Variants in THNSL1 observed in about 807,000 individuals in gnomAD.
THNSL1 encodes threonine synthase like 1.
THNSL1 carries 48 observed loss-of-function variants against 50.4 expected under a neutral mutation model. That is an observed-to-expected ratio of 0.95 (90% confidence interval 0.76 to 1.21). The LOEUF (loss-of-function observed/expected upper bound fraction) is 1.21, where lower values mean the gene tolerates loss of function less well. Ranked by LOEUF, THNSL1 falls within the 50% of genes most tolerant of loss-of-function variation. THNSL1 has a pLI of 0.00. For synonymous variants in THNSL1, 309 were observed against 306.1 expected (o/e 1.01, Z -0.10); for missense variants, 896 against 871.7 (o/e 1.03, Z -0.35).
At chr10:25,016,484 G>T (rs759531477), upstream of THNSL1, among the ~76,000 whole-genome samples, 1 of 152,218 alleles carries the variant, frequency 6.6e-6, no homozygotes, top group African/African-American at 2.4e-5. Flanking sequence ...CTGAGACCAC[G>T]AGGACGCAAG....
the THNSL1 span, among the ~76,000 whole-genome samples, chr10:25,002,691 C>T: frequency 6.6e-6 from 1 of 152,140 alleles, no homozygotes; most frequent in Non-Finnish European, 1.5e-5. Flanking sequence ...GTATTATCTT[C>T]TTCCTTATGT....
intron 1 of THNSL1, among the ~76,000 whole-genome samples, chr10:25,018,419 G>C (rs1850653068): frequency 6.6e-6 from 1 of 152,192 alleles, no homozygotes; most frequent in Non-Finnish European, 1.5e-5. Flanking sequence ...AATATTTCAG[G>C]CCTTTTTAGG....
chr10:25,007,051 A>T, the THNSL1 span, among the ~76,000 whole-genome samples: 5 of 152,322 alleles, frequency 3.3e-5, no homozygotes, highest in East Asian at 9.6e-4. Context: ...TTAAAAATTG[A>T]AACTGTTTAA....
At chr10:24,986,194 C>A in the THNSL1 span, among the ~76,000 whole-genome samples, 1 of 152,182 alleles carries the variant, frequency 6.6e-6, no homozygotes, top group Non-Finnish European at 1.5e-5. Flanking sequence ...ATTATGCTGT[C>A]ATAGTAAGCT....
rs1221885449 is a variant in THNSL1, at chr10:25,023,889, A to T, written c.666A>T (p.Arg222Ser). 3 of 1,614,080 alleles carry T rather than the reference A, an allele frequency of 1.9e-6. No homozygotes were observed. The Admixed American group carries it at 5.0e-5, about 27-fold the overall frequency. Reference protein sequence around the residue: ...VADKVLNAIKRYQDVDSETFI... With the variant: ...VADKVLNAIKSYQDVDSETFI... ...ACAAAGTGCTGAATGCAATTAAAAG[A>T]TACCAAGATGTGGACTCGGAAACAT... Residue 222 changes from arginine (R) to serine (S), a missense_variant, in exon 3 of 3, where the codon AGA becomes AGT. Arg to Ser is a moderately radical substitution (Grantham distance 110, BLOSUM62 -1). Coordinates refer to ENST00000376356, the MANE Select transcript of THNSL1 (RefSeq NM_024838.5).
At chr10:25,020,277 T>C (rs1179594756) in intron 1 of THNSL1, among the ~76,000 whole-genome samples, 1 of 86,318 alleles carries the variant, frequency 1.2e-5, no homozygotes, top group East Asian at 7.7e-4. Context: ...TCTATATCTA[T>C]ATATATCTAC....
At chr10:24,978,644 A>C in the THNSL1 span, among the ~76,000 whole-genome samples, 2 of 152,168 alleles carry the variant, frequency 1.3e-5, no homozygotes, top group African/African-American at 4.8e-5. Context: ...TTGAAAAATT[A>C]GTGACAATTT....
At chr10:24,980,344 T>C in the THNSL1 span, among the ~76,000 whole-genome samples, 1 of 152,014 alleles carries the variant, frequency 6.6e-6, no homozygotes, top group Non-Finnish European at 1.5e-5. Flanking sequence ...CTGCAACCCT[T>C]TTCTTCTTCT....
At chr10:25,015,981 C>A, upstream of THNSL1, 2 of 1,582,796 alleles carry the variant, frequency 1.3e-6, no homozygotes, top group Non-Finnish European at 1.7e-6. Context: ...CAACTTTTTT[C>A]TCCCTGTCCC....
rs1189795675 is a variant in THNSL1, at chr10:25,026,339, G to A, written c.*884G>A. 6.0e-6 allele frequency: 1 copy of A among 166,564 alleles called. No homozygotes were observed. Among genetic ancestry groups the A allele is most frequent in the East Asian group, 1.9e-4 (1 of 5,206 alleles). 10.3% of individuals were successfully genotyped at this position (166,564 alleles called of 1,614,324 possible). A position where few individuals can be genotyped will look rare whatever the true frequency, so the allele number is the denominator to read the frequency against. ...AAATCAACACATAACTGAAATCCAGGATGAAACAGTAAGCAGAACTACTTA... is the reference window on the plus strand; with the variant it reads ...AAATCAACACATAACTGAAATCCAGAATGAAACAGTAAGCAGAACTACTTA... On this transcript the variant is annotated 3_prime_UTR_variant, in exon 3 of 3. Coordinates refer to ENST00000376356, the MANE Select transcript of THNSL1 (RefSeq NM_024838.5).
chr10:24,979,893 A>T, the THNSL1 span, among the ~76,000 whole-genome samples: 1 of 149,562 alleles, frequency 6.7e-6, no homozygotes, highest in Non-Finnish European at 1.5e-5. Context: ...CCGCCTCCCC[A>T]CTGCCTGGCT....
the THNSL1 span, among the ~76,000 whole-genome samples, chr10:24,965,302 G>A: frequency 2.6e-5 from 4 of 152,076 alleles, no homozygotes; most frequent in South Asian, 2.1e-4. Flanking sequence ...CACTATCACC[G>A]CCACCCACTT....
At chr10:24,984,382 G>GAAAAAAAAAA in the THNSL1 span, 2 of 1,397,958 alleles carry the variant, frequency 1.4e-6, no homozygotes, top group Admixed American at 2.8e-5. Flanking sequence ...ATGCGCTGCA[G>GAAAAAAAAAA]AAAAAAAAAA....
the THNSL1 span, among the ~76,000 whole-genome samples, chr10:24,974,395 C>T: frequency 6.6e-6 from 1 of 151,992 alleles, no homozygotes; most frequent in Non-Finnish European, 1.5e-5. Context: ...TAATAAAATA[C>T]CAGTCTGAAA....
the THNSL1 span, among the ~76,000 whole-genome samples, chr10:25,010,439 AT>A: frequency 7.5e-3 from 1,142 of 151,594 alleles, 19 homozygotes; most frequent in African/African-American, 0.025. Context: ...ATTGGAACTC[AT>A]TTTTTTTATT....
chr10:24,995,979 A>G, the THNSL1 span: 1 of 803,548 alleles, frequency 1.2e-6, no homozygotes, highest in Non-Finnish European at 1.8e-6. Flanking sequence ...TGCAGTCATA[A>G]TATATTTAAA....
chr10:24,968,749 C>A, the THNSL1 span, among the ~76,000 whole-genome samples: 67 of 152,322 alleles, frequency 4.4e-4, no homozygotes, highest in Non-Finnish European at 5.4e-4. Context: ...TGTTCGAAAA[C>A]CCATAATTTC....
chr10:25,003,173 A>T, the THNSL1 span, among the ~76,000 whole-genome samples: 26,103 of 145,438 alleles, frequency 0.18, 2,402 homozygotes, highest in East Asian at 0.36. Flanking sequence ...TTAATTAATT[A>T]ATTAATTAAT....
intron 1 of THNSL1, among the ~76,000 whole-genome samples, chr10:25,019,193 T>C (rs1171899127): frequency 1.3e-5 from 2 of 152,196 alleles, no homozygotes; most frequent in Non-Finnish European, 2.9e-5. Flanking sequence ...AAAATTTTAG[T>C]TGGGCACAGT....
Sources: allele counts gnomAD v4.1 joint callset (sites outside exome capture counted in the v4.1 genomes callset), GRCh38; gene constraint gnomAD v4.1.1; transcripts MANE v1.5; gene names NCBI Gene and HGNC (gene_info 2026-07-23, HGNC 2026-07-21).